Variants in FBXW7 observed in about 807,000 individuals in gnomAD.
FBXW7 encodes the protein F-box/WD repeat-containing protein 7.
In FBXW7, 11 loss-of-function variants were observed where a neutral mutation model predicts 86.3. The ratio of observed to expected loss-of-function variants is 0.13; its 90% CI spans 0.08 to 0.21. The LOEUF (loss-of-function observed/expected upper bound fraction) is 0.21, where lower values mean the gene tolerates loss of function less well. Among genes scored for constraint, FBXW7 ranks in the 10% least tolerant of loss-of-function variants. The pLI, the probability that FBXW7 is intolerant of heterozygous loss-of-function variation, is 1.00. For missense variants in FBXW7, 488 were observed against 847.4 expected (o/e 0.58, Z 5.27); for synonymous variants, 313 against 297.9 (o/e 1.05, Z -0.52).
At chr4:152,387,035 CAT>C (rs1224417314) in intron 4 of FBXW7, among the ~76,000 whole-genome samples, 2 of 152,134 alleles carry the variant, frequency 1.3e-5, no homozygotes. Context: ...AAAGCCACAG[CAT>C]ATGAGCAGCA....
intron 6 of FBXW7, 169 bp downstream of exon 6, chr4:152,346,761 A>G: frequency 2.5e-6 from 2 of 814,940 alleles, no homozygotes; most frequent in Non-Finnish European, 3.7e-6. Context: ...TATAAAGAGA[A>G]TCAACATGTG....
chr4:152,390,220 G>C (rs1735882134), intron 4 of FBXW7, among the ~76,000 whole-genome samples: 1 of 148,306 alleles, frequency 6.7e-6, no homozygotes, highest in South Asian at 2.1e-4. Context: ...TCTATTATTT[G>C]TGCCTAAGAA....
intron 2 of FBXW7, among the ~76,000 whole-genome samples, chr4:152,456,208 T>C (rs1742395753): frequency 6.6e-6 from 1 of 151,856 alleles, no homozygotes; most frequent in South Asian, 2.1e-4. Context: ...AATTCAATAA[T>C]AAGACAAACA....
intron 2 of FBXW7, among the ~76,000 whole-genome samples, chr4:152,435,954 G>A (rs187871536): frequency 1.6e-4 from 24 of 152,198 alleles, no homozygotes; most frequent in African/African-American, 4.3e-4. Flanking sequence ...GCCACAAACC[G>A]CACCCATGGA....
intron 2 of FBXW7, among the ~76,000 whole-genome samples, chr4:152,467,321 A>G (rs1579283271): frequency 6.6e-6 from 1 of 152,060 alleles, no homozygotes; most frequent in East Asian, 1.9e-4. Context: ...TGCTGTCACC[A>G]TGTGTTTGGT....
At chr4:152,395,839 G>A (rs1736378422) in intron 4 of FBXW7, among the ~76,000 whole-genome samples, 1 of 152,006 alleles carries the variant, frequency 6.6e-6, no homozygotes, top group South Asian at 2.1e-4. Context: ...TTCCCTACAT[G>A]ATGTCTAGTG....
intron 4 of FBXW7, among the ~76,000 whole-genome samples, chr4:152,387,625 C>T (rs9307892): frequency 2.1e-5 from 2 of 93,888 alleles, no homozygotes; most frequent in Non-Finnish European, 4.7e-5. Context: ...AAAAAAAAAA[C>T]ATCCAGCAAG....
chr4:152,342,727 T>C (rs1228248369), intron 6 of FBXW7, among the ~76,000 whole-genome samples: 1 of 152,240 alleles, frequency 6.6e-6, no homozygotes, highest in Non-Finnish European at 1.5e-5. Flanking sequence ...CCAGTTCTAA[T>C]TGCTAAGTTT....
intron 6 of FBXW7, among the ~76,000 whole-genome samples, chr4:152,340,661 A>ATTCAACTG (rs1454561738): frequency 6.6e-6 from 1 of 151,898 alleles, no homozygotes; most frequent in Non-Finnish European, 1.5e-5. Context: ...GACTACACAT[A>ATTCAACTG]TTCAACTGTC....
At chr4:152,533,988 C>T (rs1184942309) in intron 2 of FBXW7, among the ~76,000 whole-genome samples, 3 of 152,156 alleles carry the variant, frequency 2.0e-5, no homozygotes, top group Non-Finnish European at 4.4e-5. Flanking sequence ...CTGTCTATGT[C>T]TTCTTACATA....
At chr4:152,366,634 G>C (rs541929939) in intron 4 of FBXW7, among the ~76,000 whole-genome samples, 1 of 152,238 alleles carries the variant, frequency 6.6e-6, no homozygotes, top group Non-Finnish European at 1.5e-5. Flanking sequence ...GGAAACAACA[G>C]GTGCTGGAGA....
At position 152,435,744 on chromosome 4, in the gene FBXW7, T is replaced by A. The variant is rs72721619; in HGVS notation, c.-119-23215A>T. On this transcript the variant is annotated intron_variant, in intron 2 of 13. Transcript: ENST00000281708. ...GCACTTCACAAATAGTATATTTTTT[T>A]AAAAATTGGAAGTTTGTGGCAATCC... Among the ~76,000 whole-genome samples, 633 of 152,364 alleles carry A rather than the reference T, an allele frequency of 4.2e-3. 3 individuals are homozygous for A. The highest frequency in any genetic ancestry group is 6.8e-3 in the Non-Finnish European group (465 of 68,034).
intron 4 of FBXW7, among the ~76,000 whole-genome samples, chr4:152,408,708 T>C (rs573632481): frequency 6.6e-6 from 1 of 152,304 alleles, no homozygotes; most frequent in East Asian, 1.9e-4. Flanking sequence ...TCTTGTTCAG[T>C]GATGTTTGTC....
chr4:152,338,859 T>C (rs551728229), intron 6 of FBXW7, among the ~76,000 whole-genome samples: 35 of 152,294 alleles, frequency 2.3e-4, no homozygotes, highest in Middle Eastern at 3.4e-3. Context: ...ATTTTAAGAA[T>C]TATTGTGTCC....
intron 2 of FBXW7, among the ~76,000 whole-genome samples, chr4:152,471,010 A>C (rs1258248398): frequency 1.3e-5 from 2 of 152,148 alleles, no homozygotes; most frequent in African/African-American, 4.8e-5. Context: ...TCTGCAGAGT[A>C]AAAATCACAT....
chr4:152,495,716 A>G (rs1746274912), intron 2 of FBXW7, among the ~76,000 whole-genome samples: 1 of 152,200 alleles, frequency 6.6e-6, no homozygotes, highest in Non-Finnish European at 1.5e-5. Flanking sequence ...TAACACACAC[A>G]TAAAGCCAAG....
At chr4:152,426,744 G>A (rs1739423869) in intron 2 of FBXW7, among the ~76,000 whole-genome samples, 1 of 152,202 alleles carries the variant, frequency 6.6e-6, no homozygotes, top group Non-Finnish European at 1.5e-5. Context: ...CAGGACTACA[G>A]GGACAAGAGA....
chr4:152,512,791 GA>G (rs1748102296), intron 2 of FBXW7, among the ~76,000 whole-genome samples: 1 of 152,178 alleles, frequency 6.6e-6, no homozygotes, highest in Non-Finnish European at 1.5e-5. Context: ...TTGAGGTAAT[GA>G]AAATGTTCTG....
chr4:152,468,849 A>G (rs1327402248), intron 2 of FBXW7, among the ~76,000 whole-genome samples: 1 of 152,054 alleles, frequency 6.6e-6, no homozygotes. Context: ...ATCAATAGGG[A>G]AAAAAATGAC....
Sources: allele counts gnomAD v4.1 joint callset (sites outside exome capture counted in the v4.1 genomes callset), GRCh38; gene constraint gnomAD v4.1.1; transcripts MANE v1.5; gene names NCBI Gene and HGNC (gene_info 2026-07-23, HGNC 2026-07-21).